CHN2: variants seen among roughly 807,000 people sequenced by gnomAD.
CHN2 encodes chimerin 2, also known as beta-chimaerin.
A neutral mutation model predicts 56.3 loss-of-function variants in CHN2; 35 were observed. The ratio of observed to expected loss-of-function variants is 0.62; its 90% CI spans 0.47 to 0.82. CHN2 has a LOEUF of 0.82. Among genes scored for constraint, CHN2 ranks in the 40% least tolerant of loss-of-function variants. The pLI, the probability that CHN2 is intolerant of heterozygous loss-of-function variation, is 0.00. For synonymous variants in CHN2, 210 were observed against 212.8 expected (o/e 0.99, Z 0.12); for missense variants, 491 against 580.5 (o/e 0.85, Z 1.58).
intron 3 of CHN2, among the ~76,000 whole-genome samples, chr7:29,374,355 AT>A (rs1219917507): frequency 6.6e-6 from 1 of 151,946 alleles, no homozygotes; most frequent in East Asian, 1.9e-4. Context: ...TGACATATGA[AT>A]TTTTTTCCCT....
chr7:29,315,169 CAT>C (rs764688979), intron 1 of CHN2, among the ~76,000 whole-genome samples: 2 of 152,086 alleles, frequency 1.3e-5, no homozygotes, highest in Non-Finnish European at 2.9e-5. Context: ...GAAGATGAGA[CAT>C]GTGATACTAT....
intron 1 of CHN2, among the ~76,000 whole-genome samples, chr7:29,344,331 A>C (rs577045988): frequency 1.3e-4 from 20 of 152,170 alleles, no homozygotes; most frequent in Non-Finnish European, 2.2e-4. Flanking sequence ...TGGACTCTGT[A>C]TTATCCCCGC....
At chr7:29,334,144 C>T (rs947994845) in intron 1 of CHN2, among the ~76,000 whole-genome samples, 2 of 150,434 alleles carry the variant, frequency 1.3e-5, no homozygotes, top group Admixed American at 6.6e-5. Context: ...CTCTGCCTCC[C>T]GGTTCAAGTG....
chr7:29,310,141 A>C (rs1374480677), intron 1 of CHN2, among the ~76,000 whole-genome samples: 1 of 152,240 alleles, frequency 6.6e-6, no homozygotes, highest in Non-Finnish European at 1.5e-5. Context: ...AAAATACATT[A>C]AAATGAACAC....
chr7:29,342,669 G>C (rs1168789320), intron 1 of CHN2, among the ~76,000 whole-genome samples: 1 of 152,186 alleles, frequency 6.6e-6, no homozygotes, highest in Non-Finnish European at 1.5e-5. Context: ...TTGTCTAAGA[G>C]CTAACCTCTT....
chr7:29,366,264 G>A (rs1439909653), intron 2 of CHN2, among the ~76,000 whole-genome samples: 1 of 152,130 alleles, frequency 6.6e-6, no homozygotes, highest in African/African-American at 2.4e-5. Context: ...AGCGTTAGGG[G>A]TGGAGGAGAT....
intron 9 of CHN2, among the ~76,000 whole-genome samples, chr7:29,501,682 C>T (rs1789982812): frequency 6.6e-6 from 1 of 152,032 alleles, no homozygotes; most frequent in South Asian, 2.1e-4. Flanking sequence ...GTATTAGGGG[C>T]CTAAGCATGC....
chr7:29,210,090 T>TA (rs201595501), intron 1 of CHN2, among the ~76,000 whole-genome samples: 3,280 of 152,318 alleles, frequency 0.022, 125 homozygotes, highest in African/African-American at 0.069. Context: ...CTGAGGGTCT[T>TA]AAAATTTTAT....
chr7:29,349,903 A>G (rs1259026359), intron 1 of CHN2, among the ~76,000 whole-genome samples: 2 of 152,174 alleles, frequency 1.3e-5, no homozygotes, highest in East Asian at 1.9e-4. Context: ...AGAACACATT[A>G]TGCTTCATCT....
chr7:29,211,157 G>A (rs1428051986), intron 1 of CHN2, among the ~76,000 whole-genome samples: 3 of 151,736 alleles, frequency 2.0e-5, no homozygotes, highest in Admixed American at 6.6e-5. Flanking sequence ...TGCAAGCTCC[G>A]CCTCCCGGGT....
chr7:29,502,723 A>G (rs893084107), intron 9 of CHN2, among the ~76,000 whole-genome samples: 1 of 151,518 alleles, frequency 6.6e-6, no homozygotes, highest in Non-Finnish European at 1.5e-5. Flanking sequence ...ACAACTTGGC[A>G]TATTATATAA....
chr7:29,181,867 GA>G lies in CHN2; in HGVS notation c.274+34911del, dbSNP rs144323053. 9.4e-3 allele frequency among the ~76,000 whole-genome samples: 1,428 copies of G among 152,190 alleles called. 19 individuals carry two copies. Among genetic ancestry groups the G allele is most frequent in the African/African-American group, 0.029 (1,219 of 41,520 alleles). On this transcript the variant is annotated intron_variant, in intron 2 of 6. Transcript: ENST00000439384. ...CTAAACTGCTAATTCCTAAGGGGGG[GA>G]AAAGTACCTAAGTATTTATTCATGG...
At chr7:29,182,267 A>G (rs1284824220) in intron 2 of CHN2, among the ~76,000 whole-genome samples, 1 of 152,238 alleles carries the variant, frequency 6.6e-6, no homozygotes, top group Admixed American at 6.5e-5. Flanking sequence ...GAGGAAGGTT[A>G]GCAGTGGTGG....
chr7:29,489,958 T>C (rs747175984), intron 7 of CHN2, among the ~76,000 whole-genome samples: 1 of 152,358 alleles, frequency 6.6e-6, no homozygotes, highest in Non-Finnish European at 1.5e-5. Flanking sequence ...TTATATTTTG[T>C]CAATATGCAT....
chr7:29,425,733 TA>T (rs2128109095), intron 6 of CHN2, among the ~76,000 whole-genome samples: 1 of 152,260 alleles, frequency 6.6e-6, no homozygotes, highest in South Asian at 2.1e-4. Flanking sequence ...ATACTGTATA[TA>T]AAAATAAATT....
intron 1 of CHN2, chr7:29,292,700 A>C: frequency 3.1e-6 from 1 of 320,312 alleles, no homozygotes; most frequent in South Asian, 2.6e-5. Context: ...TTTTGTTTCA[A>C]TGCTGTAATA....
rs755310501 is a variant in CHN2 at position 29,195,023 on chromosome 7, G to A, written c.49+33G>A. The A allele has an allele frequency of 6.3e-6, 10 of 1,576,432 alleles. 1 individual carries two copies. The South Asian group carries it at 1.0e-4, about 16-fold the overall frequency. ...TCAGCCCGTCGGGCGCTGCTGCCGC[G>A]CCGGGTCTCGCCCCACTGCCCTCGC... On this transcript the variant is annotated intron_variant, in intron 1 of 12. Coordinates refer to ENST00000222792, the MANE Select transcript of CHN2 (RefSeq NM_004067.4).
chr7:29,420,106 T>TA (rs939193315), intron 6 of CHN2, among the ~76,000 whole-genome samples: 17 of 147,106 alleles, frequency 1.2e-4, no homozygotes, highest in Middle Eastern at 3.5e-3. Context: ...TAGCTACAAT[T>TA]AAAAAAAAAA....
intron 3 of CHN2, among the ~76,000 whole-genome samples, chr7:29,380,033 G>A (rs1036605647): frequency 2.0e-5 from 3 of 152,160 alleles, no homozygotes; most frequent in Non-Finnish European, 4.4e-5. Flanking sequence ...AGAGCAATGA[G>A]TGCTGGCCCT....
Sources: allele counts gnomAD v4.1 joint callset (sites outside exome capture counted in the v4.1 genomes callset), GRCh38; gene constraint gnomAD v4.1.1; transcripts MANE v1.5; gene names NCBI Gene and HGNC (gene_info 2026-07-23, HGNC 2026-07-21).